SPMIP2: variants seen among roughly 807,000 people sequenced by gnomAD.
SPMIP2 encodes the protein sperm microtubule inner protein 2.
chr4:158,964,166 AC>A, the SPMIP2 span, among the ~76,000 whole-genome samples: 1,141 of 88,122 alleles, frequency 0.013, 30 homozygotes, highest in Middle Eastern at 0.045. Flanking sequence ...ACAAAACAAA[AC>A]AAAACAAAAC....
chr4:159,040,113 T>C, the SPMIP2 span, among the ~76,000 whole-genome samples: 1,288 of 152,148 alleles, frequency 8.5e-3, 24 homozygotes, highest in African/African-American at 0.03. Context: ...ACTATATGTA[T>C]AGTACTTAAA....
the SPMIP2 span, among the ~76,000 whole-genome samples, chr4:159,069,031 C>T: frequency 0.021 from 3,259 of 152,146 alleles, 127 homozygotes; most frequent in African/African-American, 0.074. Flanking sequence ...GGCTGGGTGC[C>T]GTGGCTCACA....
chr4:158,948,753 C>T, the SPMIP2 span, among the ~76,000 whole-genome samples: 8 of 151,852 alleles, frequency 5.3e-5, no homozygotes, highest in South Asian at 2.1e-4. Flanking sequence ...TACAGTTATG[C>T]GCCACCATGC....
chr4:158,996,275 T>G, the SPMIP2 span, among the ~76,000 whole-genome samples: 1 of 152,234 alleles, frequency 6.6e-6, no homozygotes, highest in African/African-American at 2.4e-5. Context: ...CTGACCCATC[T>G]TGACAAAATT....
the SPMIP2 span, among the ~76,000 whole-genome samples, chr4:158,932,370 G>A: frequency 6.6e-6 from 1 of 152,192 alleles, no homozygotes; most frequent in African/African-American, 2.4e-5. Context: ...GGGATCAGCT[G>A]AGGCAGGAGA....
the SPMIP2 span, among the ~76,000 whole-genome samples, chr4:158,912,384 C>G: frequency 6.6e-6 from 1 of 152,198 alleles, no homozygotes; most frequent in African/African-American, 2.4e-5. Flanking sequence ...TTTCAACCAT[C>G]TATTTTGATG....
chr4:159,025,600 T>C, the SPMIP2 span, among the ~76,000 whole-genome samples: 2 of 152,268 alleles, frequency 1.3e-5, no homozygotes, highest in South Asian at 4.1e-4. Flanking sequence ...CTTTGGGAAA[T>C]AAGGTGTACT....
the SPMIP2 span, among the ~76,000 whole-genome samples, chr4:158,910,199 G>T: frequency 6.6e-6 from 1 of 151,540 alleles, no homozygotes; most frequent in Non-Finnish European, 1.5e-5. Context: ...TTAATGTTAT[G>T]TGTCATCTTG....
chr4:158,969,976 A>G, the SPMIP2 span, among the ~76,000 whole-genome samples: 1 of 146,414 alleles, frequency 6.8e-6, no homozygotes, highest in Non-Finnish European at 1.5e-5. Context: ...ATAGACAGAT[A>G]AGAAACTGGA....
chr4:158,943,003 GT>G, the SPMIP2 span, among the ~76,000 whole-genome samples: 1 of 152,154 alleles, frequency 6.6e-6, no homozygotes, highest in Non-Finnish European at 1.5e-5. Flanking sequence ...TAGTGATGCT[GT>G]TTGAAAATTG....
chr4:158,895,688 T>A, the SPMIP2 span: 9 of 1,019,528 alleles, frequency 8.8e-6, no homozygotes, highest in East Asian at 2.3e-4. Context: ...AAATTCTGAC[T>A]CTTAAAATAT....
chr4:159,051,294 C>CT, the SPMIP2 span, among the ~76,000 whole-genome samples: 1 of 152,156 alleles, frequency 6.6e-6, no homozygotes, highest in Non-Finnish European at 1.5e-5. Flanking sequence ...TAGCACATAG[C>CT]TTTTTTATTG....
chr4:158,913,148 A>G, the SPMIP2 span, among the ~76,000 whole-genome samples: 1 of 152,254 alleles, frequency 6.6e-6, no homozygotes, highest in African/African-American at 2.4e-5. Context: ...AATGTAATAC[A>G]TGGTCCTAGA....
the SPMIP2 span, among the ~76,000 whole-genome samples, chr4:159,002,090 T>G: frequency 6.6e-6 from 1 of 152,246 alleles, no homozygotes; most frequent in South Asian, 2.1e-4. Flanking sequence ...TTGAGCTTTT[T>G]TTTTCATATG....
At chr4:158,996,120 T>G in the SPMIP2 span, among the ~76,000 whole-genome samples, 1 of 152,174 alleles carries the variant, frequency 6.6e-6, no homozygotes. Context: ...TGCATAGTAA[T>G]ATTTGCTGAA....
chr4:158,979,814 T>C, the SPMIP2 span, among the ~76,000 whole-genome samples: 19 of 140,036 alleles, frequency 1.4e-4, no homozygotes, highest in South Asian at 4.7e-4. Flanking sequence ...TTTTTTTTTT[T>C]CATACCCCAG....
At chr4:159,056,066 C>T in the SPMIP2 span, among the ~76,000 whole-genome samples, 1 of 152,202 alleles carries the variant, frequency 6.6e-6, no homozygotes, top group South Asian at 2.1e-4. Context: ...CCTCCCCCTC[C>T]TCCCAGTTCC....
At chr4:158,931,196 T>G in the SPMIP2 span, among the ~76,000 whole-genome samples, 1 of 152,202 alleles carries the variant, frequency 6.6e-6, no homozygotes, top group East Asian at 1.9e-4. Context: ...AAATCTACTC[T>G]TGAGCTCCTC....
the SPMIP2 span, among the ~76,000 whole-genome samples, chr4:159,022,924 G>C: frequency 6.6e-6 from 1 of 152,166 alleles, no homozygotes; most frequent in South Asian, 2.1e-4. Flanking sequence ...CAGCTACTCA[G>C]GAGGCTGAGG....
Sources: gnomAD v4.1 joint callset for allele counts (sites outside exome capture counted in the v4.1 genomes callset) on GRCh38, gnomAD v4.1.1 for gene constraint, MANE v1.5 for transcripts, NCBI Gene and HGNC (gene_info 2026-07-23, HGNC 2026-07-21) for gene names.